The following HAO2 variants were observed in gnomAD, a reference collection of about 807,000 sequenced individuals.
The protein encoded by HAO2 is 2-Hydroxyacid oxidase 2.
In HAO2, 42 loss-of-function variants were observed where a neutral mutation model predicts 37.4. The observed-to-expected ratio is 1.12, with a 90% CI of 0.88 to 1.45. The LOEUF (loss-of-function observed/expected upper bound fraction) is 1.45, where lower values mean the gene tolerates loss of function less well. HAO2 is among the 40% of genes most tolerant of loss of function. HAO2 has a pLI of 0.00. For missense variants in HAO2, 476 were observed against 430.2 expected (o/e 1.11, Z -0.94); for synonymous variants, 180 against 162.8 (o/e 1.11, Z -0.81).
At chr1:119,382,508 C>T (rs1650033544) in intron 2 of HAO2, among the ~76,000 whole-genome samples, 2 of 152,126 alleles carry the variant, frequency 1.3e-5, no homozygotes, top group South Asian at 4.2e-4. Context: ...TGGGCCTAAC[C>T]TGAGAGGAAA....
At chr1:119,379,683 G>T (rs587710877) in intron 1 of HAO2, among the ~76,000 whole-genome samples, 69 of 152,182 alleles carry the variant, frequency 4.5e-4, no homozygotes, top group African/African-American at 1.7e-3. Flanking sequence ...AGGTGCTATG[G>T]CTGGGCTCCA....
chr1:119,377,788 C>G (rs1649595040), intron 1 of HAO2, among the ~76,000 whole-genome samples: 1 of 152,200 alleles, frequency 6.6e-6, no homozygotes, highest in Admixed American at 6.5e-5. Context: ...TCAGCTCGGC[C>G]AGGCATGGTG....
At chr1:119,374,462 T>C (rs926628197) in intron 1 of HAO2, among the ~76,000 whole-genome samples, 1 of 152,192 alleles carries the variant, frequency 6.6e-6, no homozygotes, top group African/African-American at 2.4e-5. Flanking sequence ...CAGTCTAATC[T>C]CTCAAACTAG....
rs72563181 is a variant in HAO2, at chr1:119,385,564, G to A, written c.561+511G>A. On this transcript the variant is annotated intron_variant, in intron 4 of 7. Transcript: ENST00000325945. ...GAATCAATATCTCTGCACACATAGA[G>A]CTCATTTGTGGAGCACCAGGATGCT... 8,826 of 966,366 alleles carry A rather than the reference G, an allele frequency of 9.1e-3. 554 individuals are homozygous for A. In the African/African-American group the frequency reaches 0.14, roughly 15 times the overall value. The allele number at this position is 966,366 out of a possible 1,614,324, so 59.9% of individuals were successfully genotyped here.
At chr1:119,372,553 G>A (rs750774253) in intron 1 of HAO2, among the ~76,000 whole-genome samples, 3 of 152,218 alleles carry the variant, frequency 2.0e-5, no homozygotes, top group Admixed American at 6.5e-5. Flanking sequence ...TGGAGAAATC[G>A]AGAAAGGAGG....
chr1:119,370,403 C>T (rs1267890019), intron 1 of HAO2: 1 of 152,152 alleles, frequency 6.6e-6, no homozygotes, highest in African/African-American at 2.4e-5. Context: ...AGCAGCTTTC[C>T]ACTTCCAGAG....
rs371764843 is a variant in HAO2, at chr1:119,392,111, T to A, written c.773T>A (p.Ile258Asn). Residue 258 changes from isoleucine to asparagine, a missense_variant and splice_region_variant, in exon 6 of 8, where the codon ATT (isoleucine) becomes AAT (asparagine). Transcript: ENST00000325945. ...AGCCCATGTGTATCTCCTTTTCAGA[T>A]TGATGCTTTGACAGAAGTGGTGGCT... The part of the protein sequence containing the change: ...GRQLDEVLAS[I>N]DALTEVVAAV... 1 of 1,611,610 alleles carries A rather than the reference T, an allele frequency of 6.2e-7. No homozygotes were observed. The highest frequency in any genetic ancestry group is 8.5e-7 in the Non-Finnish European group (1 of 1,178,794).
chr1:119,383,234 T>A (rs1557849871), intron 3 of HAO2, among the ~76,000 whole-genome samples, 168 bp downstream of exon 3: 3 of 152,222 alleles, frequency 2.0e-5, no homozygotes, highest in Non-Finnish European at 2.9e-5. Flanking sequence ...AACCTAAGAT[T>A]GAGAAAACAT....
At chr1:119,386,889 A>G in intron 5 of HAO2, 58 bp downstream of exon 5, 1 of 1,031,306 alleles carries the variant, frequency 9.7e-7, no homozygotes, top group Non-Finnish European at 1.5e-6. Context: ...TGTATGTGTG[A>G]GTGTGTCCAC....
At chr1:119,387,141 G>A (rs180980156) in intron 5 of HAO2, among the ~76,000 whole-genome samples, 86 of 152,206 alleles carry the variant, frequency 5.7e-4, no homozygotes, top group Middle Eastern at 3.4e-3. Context: ...CTTATCTTTA[G>A]TTCACTTAAG....
intron 1 of HAO2, among the ~76,000 whole-genome samples, chr1:119,377,886 G>A (rs1473771043): frequency 6.6e-6 from 1 of 152,168 alleles, no homozygotes; most frequent in Non-Finnish European, 1.5e-5. Flanking sequence ...GGCCAACATG[G>A]TGAAACCCCG....
intron 1 of HAO2, among the ~76,000 whole-genome samples, chr1:119,375,123 G>C (rs587663457): frequency 3.1e-4 from 47 of 151,598 alleles, no homozygotes; most frequent in African/African-American, 9.7e-4. Context: ...TTGGGCAGTA[G>C]GAATAAAAAA....
At chr1:119,388,320 A>G (rs187086321) in intron 5 of HAO2, among the ~76,000 whole-genome samples, 1 of 152,356 alleles carries the variant, frequency 6.6e-6, no homozygotes, top group East Asian at 1.9e-4. Context: ...GAAAGCTAAT[A>G]AAATACATCA....
intron 1 of HAO2, among the ~76,000 whole-genome samples, chr1:119,379,318 C>A (rs773228135): frequency 6.6e-6 from 1 of 152,108 alleles, no homozygotes; most frequent in Non-Finnish European, 1.5e-5. Flanking sequence ...ATTGTTTATA[C>A]AAACAGTTTA....
intron 1 of HAO2, among the ~76,000 whole-genome samples, chr1:119,377,233 C>T (rs977435550): frequency 1.3e-5 from 2 of 152,190 alleles, no homozygotes; most frequent in Admixed American, 1.3e-4. Flanking sequence ...TACTCTAAAT[C>T]ATCTTTCTCA....
At chr1:119,391,484 A>G (rs1441674089) in intron 5 of HAO2, among the ~76,000 whole-genome samples, 19 of 152,226 alleles carry the variant, frequency 1.2e-4, no homozygotes, top group Non-Finnish European at 2.9e-5. Flanking sequence ...GGCCAAGATG[A>G]TAAGATGTTT....
At chr1:119,383,421 T>C (rs1308887072) in intron 3 of HAO2, among the ~76,000 whole-genome samples, 1 of 152,062 alleles carries the variant, frequency 6.6e-6, no homozygotes, top group Non-Finnish European at 1.5e-5. Flanking sequence ...CTTTGGCCCC[T>C]GATGGGCCAG....
chr1:119,380,064 A>G (rs1389862150), intron 1 of HAO2, among the ~76,000 whole-genome samples: 1 of 152,180 alleles, frequency 6.6e-6, no homozygotes, highest in Non-Finnish European at 1.5e-5. Flanking sequence ...GTTAATTTTC[A>G]CATGGCTGCC....
intron 5 of HAO2, among the ~76,000 whole-genome samples, chr1:119,389,574 T>C (rs1650707010): frequency 6.6e-6 from 1 of 152,126 alleles, no homozygotes; most frequent in South Asian, 2.1e-4. Context: ...TTGTTGGCTA[T>C]TTGTATATTT....
Sources: allele counts gnomAD v4.1 joint callset (sites outside exome capture counted in the v4.1 genomes callset), GRCh38; gene constraint gnomAD v4.1.1; transcripts MANE v1.5; gene names NCBI Gene and HGNC (gene_info 2026-07-23, HGNC 2026-07-21).